Variants in PARVB observed in about 807,000 individuals in gnomAD.
PARVB encodes beta-parvin.
In PARVB, 46 loss-of-function variants were observed where a neutral mutation model predicts 47.0. The observed-to-expected ratio is 0.98, with a 90% CI of 0.77 to 1.25. The LOEUF (loss-of-function observed/expected upper bound fraction) is 1.25, where lower values mean the gene tolerates loss of function less well. Among genes scored for constraint, PARVB ranks in the 50% most tolerant of loss-of-function variants. PARVB has a pLI of 0.00. For missense variants in PARVB, 473 were observed against 471.6 expected, an observed-to-expected ratio of 1.00 and a Z score of -0.03; for synonymous variants, 196 against 196.3, an observed-to-expected ratio of 1.00 and a Z score of 0.01.
At chr22:44,122,280 G>T (rs866532942) in intron 4 of PARVB, among the ~76,000 whole-genome samples, 1 of 151,998 alleles carries the variant, frequency 6.6e-6, no homozygotes, top group South Asian at 2.1e-4. Flanking sequence ...CACTTGAGCC[G>T]AAGAGTTTGA....
At chr22:44,139,181 C>T (rs2053500180) in intron 7 of PARVB, 1 of 152,252 alleles carries the variant, frequency 6.6e-6, no homozygotes, top group African/African-American at 2.4e-5. Flanking sequence ...CATGAGTAAC[C>T]TGCAACCTTG....
chr22:44,022,874 G>A (rs1884251225), upstream of PARVB, among the ~76,000 whole-genome samples: 1 of 151,922 alleles, frequency 6.6e-6, no homozygotes, highest in African/African-American at 2.4e-5. Flanking sequence ...AGCCTCCCAA[G>A]TAGCAGGGAT....
Position 44,068,451 on chromosome 22 carries a change from T to G in PARVB, c.113-25477T>G, listed in dbSNP as rs1386681833. ...GTAGGTATCATGCGAGTCCTACTTC[T>G]CCCCTCATTCAAGGACCTTCCTTTG... On this transcript the variant is annotated intron_variant, in intron 1 of 12. Coordinates refer to ENST00000338758, the MANE Select transcript of PARVB (RefSeq NM_013327.5). The surrounding 1 kb of genome is among the most constrained non-coding windows in gnomAD (Gnocchi z 4.1). Among the ~76,000 whole-genome samples the G allele has an allele frequency of 6.6e-6, 1 of 152,182 alleles. No homozygotes were observed. Among genetic ancestry groups the G allele is most frequent in the East Asian group, 1.9e-4 (1 of 5,194 alleles).
intron 4 of PARVB, among the ~76,000 whole-genome samples, chr22:44,129,416 A>G (rs939281872): frequency 4.7e-5 from 7 of 150,210 alleles, no homozygotes; most frequent in African/African-American, 1.5e-4. Context: ...TCCTCTGCCG[A>G]CTCCTCTTCC....
intron 1 of PARVB, among the ~76,000 whole-genome samples, chr22:44,032,531 C>T (rs540579910): frequency 5.9e-5 from 9 of 152,160 alleles, no homozygotes; most frequent in South Asian, 4.2e-4. Context: ...TGGTGCAGTC[C>T]GCCTCCTTGC....
At position 44,132,913 on chromosome 22, in the gene PARVB, G is replaced by T. The variant is rs1423973645; in HGVS notation, c.537G>T (p.Leu179=). The change falls in exon 6 of 13, where the codon CTG becomes CTT. Residue 179 remains leucine (L), a synonymous_variant. Coordinates refer to ENST00000338758, the MANE Select transcript of PARVB (RefSeq NM_013327.5). ...WSVDSIHGKN[L]VAILHLLVSL... ...CTGCAGCAATTCACGGGAAGAACCT[G>T]GTGGCCATCCTCCACCTGCTGGTCT... 2.5e-6 allele frequency: 4 copies of T among 1,613,634 alleles called. No individual in the cohort carries two copies. The South Asian group carries it at 4.4e-5, about 18-fold the overall frequency.
intron 3 of PARVB, chr22:44,104,908 C>T (rs766483548): frequency 3.3e-5 from 5 of 152,274 alleles, no homozygotes; most frequent in East Asian, 1.9e-4. Context: ...TTAAAGCTGT[C>T]ACCCTCACAG....
At chr22:44,012,469 G>A (rs1316159132) in intron 2 of PARVB, among the ~76,000 whole-genome samples, 1 of 152,178 alleles carries the variant, frequency 6.6e-6, no homozygotes, top group Non-Finnish European at 1.5e-5. Context: ...TATTTACTGT[G>A]AACATCGCAG....
At chr22:44,045,832 G>C (rs751442581) in intron 1 of PARVB, among the ~76,000 whole-genome samples, 5 of 152,192 alleles carry the variant, frequency 3.3e-5, no homozygotes, top group Non-Finnish European at 7.3e-5. Context: ...TAGCTTTGCA[G>C]TACGTTTTGA....
At chr22:44,055,980 G>C (rs1459642183) in intron 1 of PARVB, among the ~76,000 whole-genome samples, 1 of 152,186 alleles carries the variant, frequency 6.6e-6, no homozygotes, top group Non-Finnish European at 1.5e-5. Flanking sequence ...CCAGAATAAT[G>C]GTTAGCCAAG....
intron 11 of PARVB, among the ~76,000 whole-genome samples, chr22:44,158,617 T>G (rs904874596): frequency 2.0e-5 from 3 of 152,216 alleles, no homozygotes; most frequent in Admixed American, 1.3e-4. Flanking sequence ...TTAGGAAAAT[T>G]TCTCAAATAG....
Position 44,168,660 on chromosome 22 carries a change from G to C in PARVB, c.1077G>C (p.Lys359Asn), listed in dbSNP as rs1176806941. 6.2e-7 allele frequency: 1 copy of C among 1,611,432 alleles called. No homozygotes were observed. Among genetic ancestry groups the C allele is most frequent in the Non-Finnish European group, 8.5e-7 (1 of 1,177,616 alleles). The change falls in exon 13 of 13, where the codon AAG becomes AAC. Residue 359 changes from lysine to asparagine, a missense_variant. By Grantham distance (94) the Lys-to-Asn change is moderately conservative. Transcript: ENST00000338758. ...TLRVLYNLFT[K>N]YKNVE is the part of the protein sequence containing the mutation. ...GGGTTCTTTACAACCTGTTCACCAA[G>C]TACAAGAACGTGGAGTGACGGGGGA...
chr22:44,136,002 G>A (rs891102310), intron 6 of PARVB, among the ~76,000 whole-genome samples: 9 of 152,244 alleles, frequency 5.9e-5, no homozygotes, highest in Non-Finnish European at 2.9e-5. Flanking sequence ...ATTTCCAAAT[G>A]AGATCATGTT....
chr22:44,058,304 A>G (rs777760364), intron 1 of PARVB, among the ~76,000 whole-genome samples: 5 of 152,018 alleles, frequency 3.3e-5, no homozygotes, highest in Middle Eastern at 3.2e-3. Flanking sequence ...GTCCTGGCAT[A>G]TCTTGATTTG....
chr22:44,066,792 C>CCTCCTCCTCCTCCTCCTT (rs2051536417), intron 1 of PARVB, among the ~76,000 whole-genome samples: 3 of 141,360 alleles, frequency 2.1e-5, no homozygotes, highest in African/African-American at 8.1e-5. Flanking sequence ...TCCTCCTCCT[C>CCTCCTCCTCCTCCTCCTT]CTCCTCCTCC....
At chr22:44,078,611 C>T (rs2051829386) in intron 1 of PARVB, among the ~76,000 whole-genome samples, 1 of 152,192 alleles carries the variant, frequency 6.6e-6, no homozygotes, top group South Asian at 2.1e-4. Flanking sequence ...CTACAAAGTC[C>T]CCCTCTTGCC....
chr22:44,045,457 G>A (rs1238930847), intron 1 of PARVB, among the ~76,000 whole-genome samples: 1 of 152,056 alleles, frequency 6.6e-6, no homozygotes, highest in Non-Finnish European at 1.5e-5. Flanking sequence ...GTTACCCTGG[G>A]GTTTCAACTC....
Position 44,046,207 on chromosome 22 carries a change from C to T in PARVB, c.112+21756C>T, listed in dbSNP as rs376460700. Among the ~76,000 whole-genome samples, 17 of 152,338 alleles carry T rather than the reference C, an allele frequency of 1.1e-4. 1 individual carries two copies. The highest frequency in any genetic ancestry group is 1.0e-3 in the South Asian group (5 of 4,824). On this transcript the variant is annotated intron_variant, in intron 1 of 12. Coordinates refer to ENST00000338758, the MANE Select transcript of PARVB (RefSeq NM_013327.5). ...TGGGATTGTTGTCCTTGCCAGTGGTCGCTGAGCCCAGCTGCAGCCTTGTCT... is the reference window on the plus strand; with the variant it reads ...TGGGATTGTTGTCCTTGCCAGTGGTTGCTGAGCCCAGCTGCAGCCTTGTCT...
At chr22:44,019,927 A>T (rs755965900), upstream of PARVB, among the ~76,000 whole-genome samples, 35 of 152,164 alleles carry the variant, frequency 2.3e-4, 1 homozygote, top group Admixed American at 9.8e-4. Flanking sequence ...TGACTGGGAC[A>T]TTATTTGGAG....
Sources: allele counts gnomAD v4.1 joint callset (sites outside exome capture counted in the v4.1 genomes callset), GRCh38; gene constraint gnomAD v4.1.1; non-coding constraint Gnocchi (gnomAD v3.1); transcripts MANE v1.5; gene names NCBI Gene and HGNC (gene_info 2026-07-23, HGNC 2026-07-21).